The following KPNA6 variants were observed in gnomAD, a reference collection of about 807,000 sequenced individuals.
The protein encoded by KPNA6 is karyopherin subunit alpha 6.
A neutral mutation model predicts 72.0 loss-of-function variants in KPNA6; 9 were observed. The observed-to-expected ratio is 0.13, with a 90% CI of 0.08 to 0.22. The LOEUF (loss-of-function observed/expected upper bound fraction) is 0.22, where lower values mean the gene tolerates loss of function less well. KPNA6 is among the 10% of genes least tolerant of loss of function. The pLI is 1.00. For missense variants in KPNA6, 374 were observed against 655.7 expected, an observed-to-expected ratio of 0.57 and a Z score of 4.69; for synonymous variants, 219 against 242.1, an observed-to-expected ratio of 0.90 and a Z score of 0.89.
chr1:32,157,786 ACT>A (rs1326787188), intron 4 of KPNA6, among the ~76,000 whole-genome samples: 2 of 151,944 alleles, frequency 1.3e-5, no homozygotes, highest in African/African-American at 4.8e-5. Context: ...TAGGATATAA[ACT>A]CTCTGAGGGC....
At chr1:32,155,315 CTTTTT>C (rs892067452) in intron 2 of KPNA6, among the ~76,000 whole-genome samples, 1 of 142,262 alleles carries the variant, frequency 7.0e-6, no homozygotes, top group South Asian at 2.2e-4. Flanking sequence ...CTTTTCTTTT[CTTTTT>C]TTTTTCTTTT....
At chr1:32,117,333 C>G (rs549636572) in intron 1 of KPNA6, among the ~76,000 whole-genome samples, 4 of 151,868 alleles carry the variant, frequency 2.6e-5, no homozygotes, top group African/African-American at 9.7e-5. Context: ...CCACCACGCC[C>G]GGCTAACTTT....
intron 1 of KPNA6, among the ~76,000 whole-genome samples, chr1:32,150,946 G>A (rs552885465): frequency 1.7e-3 from 255 of 152,002 alleles, no homozygotes; most frequent in African/African-American, 5.8e-3. Context: ...TTTAGAGACA[G>A]GGTCTCACTC....
intron 1 of KPNA6, among the ~76,000 whole-genome samples, chr1:32,144,841 G>T (rs1214944664): frequency 6.6e-6 from 1 of 151,808 alleles, no homozygotes; most frequent in Non-Finnish European, 1.5e-5. Flanking sequence ...GTAGAGATGG[G>T]ATTTCTCCAT....
At chr1:32,153,235 A>G (rs1473539049) in intron 1 of KPNA6, among the ~76,000 whole-genome samples, 1 of 152,026 alleles carries the variant, frequency 6.6e-6, no homozygotes. Flanking sequence ...AATATTAAGG[A>G]TGAAGAAAGT....
In KPNA6 at chr1:32,176,128, C is replaced by T. The variant is rs1271004947; in HGVS notation, c.*5234C>T. On this transcript the variant is annotated 3_prime_UTR_variant, in exon 14 of 14. Coordinates refer to ENST00000373625, the MANE Select transcript of KPNA6 (RefSeq NM_012316.5). ...AAAAGTCCACATCTTCATGAACCCT[C>T]AGACTCTGGAGTTGGGTGTCGGCTT... 1 of 151,840 alleles carries T rather than the reference C, an allele frequency of 6.6e-6. No homozygotes were observed. The highest frequency in any genetic ancestry group is 1.9e-4 in the East Asian group (1 of 5,178). 9.4% of individuals were successfully genotyped at this position (151,840 alleles called of 1,614,324 possible).
At chr1:32,168,570 G>A (rs1197205792) in intron 12 of KPNA6, among the ~76,000 whole-genome samples, 1 of 152,232 alleles carries the variant, frequency 6.6e-6, no homozygotes, top group East Asian at 1.9e-4. Context: ...TTCACTTGTT[G>A]CCTATTAAGG....
chr1:32,166,107 C>T lies in KPNA6; in HGVS notation c.993C>T (p.Val331=). The T allele has an allele frequency of 6.2e-7, 1 of 1,606,808 alleles. No homozygotes were observed. Among genetic ancestry groups the T allele is most frequent in the East Asian group, 2.2e-5 (1 of 44,814 alleles). The change falls in exon 11 of 14, where the codon GTC becomes GTT. Residue 331 remains valine, a splice_region_variant and synonymous_variant. Coordinates refer to ENST00000373625, the MANE Select transcript of KPNA6 (RefSeq NM_012316.5). ...IVTGDDIQTQ[V]ILNCSALPCL... is the part of the protein sequence containing the mutation. Reference sequence around the variant, plus strand: ...TTCCTGTGCTTTTGGTGTTCTAGGTCATTCTTAACTGTTCAGCCCTACCTT... The same window carrying T: ...TTCCTGTGCTTTTGGTGTTCTAGGTTATTCTTAACTGTTCAGCCCTACCTT...
chr1:32,158,727 G>C (rs1213618613), intron 5 of KPNA6, among the ~76,000 whole-genome samples: 2 of 152,132 alleles, frequency 1.3e-5, no homozygotes, highest in Admixed American at 1.3e-4. Flanking sequence ...CTACTTCCAA[G>C]AAATTGCAGT....
intron 1 of KPNA6, among the ~76,000 whole-genome samples, chr1:32,148,637 A>G (rs1238006075): frequency 1.4e-5 from 2 of 144,604 alleles, no homozygotes; most frequent in African/African-American, 5.2e-5. Context: ...GGCTCACTGC[A>G]ACCTCCACCT....
rs142179549 is a variant in KPNA6, at chr1:32,138,818, A to G, written c.5-15770A>G. On this transcript the variant is annotated intron_variant, in intron 1 of 13. Coordinates refer to ENST00000373625, the MANE Select transcript of KPNA6 (RefSeq NM_012316.5). ...GTGACAAATTAGAAAGCTGAATGCA[A>G]TGACTACTGAGTGGGTCACTGGATT... Among the ~76,000 whole-genome samples, 1,148 of 152,298 alleles carry G rather than the reference A, an allele frequency of 7.5e-3. 4 individuals carry two copies. Among genetic ancestry groups the G allele is most frequent in the Middle Eastern group, 0.048 (14 of 294 alleles).
intron 10 of KPNA6, among the ~76,000 whole-genome samples, chr1:32,164,067 C>T (rs890898536): frequency 1.3e-5 from 2 of 152,210 alleles, no homozygotes; most frequent in Non-Finnish European, 2.9e-5. Flanking sequence ...CCCATTCTCC[C>T]TTCCCCTAGT....
At chr1:32,145,669 C>T (rs1488250399) in intron 1 of KPNA6, among the ~76,000 whole-genome samples, 2 of 152,250 alleles carry the variant, frequency 1.3e-5, no homozygotes, top group South Asian at 4.1e-4. Context: ...ATTCTCTATA[C>T]AATGAAATAT....
chr1:32,166,530 C>T (rs1036639391), intron 11 of KPNA6, among the ~76,000 whole-genome samples: 8 of 149,570 alleles, frequency 5.3e-5, no homozygotes, highest in African/African-American at 2.0e-4. Context: ...GAGGCTGAGG[C>T]AGGAGAATTG....
At chr1:32,142,594 A>G (rs1641859198) in intron 1 of KPNA6, among the ~76,000 whole-genome samples, 2 of 152,206 alleles carry the variant, frequency 1.3e-5, no homozygotes, top group African/African-American at 4.8e-5. Context: ...TAGAAAGTGC[A>G]TGGCAACATT....
At chr1:32,139,321 A>G (rs531632322) in intron 1 of KPNA6, among the ~76,000 whole-genome samples, 5 of 152,328 alleles carry the variant, frequency 3.3e-5, no homozygotes, top group African/African-American at 1.2e-4. Flanking sequence ...GTAATGGGGA[A>G]GGACCCAGCA....
chr1:32,163,784 T>G (rs1642284302), intron 10 of KPNA6, among the ~76,000 whole-genome samples: 1 of 152,182 alleles, frequency 6.6e-6, no homozygotes, highest in Admixed American at 6.5e-5. Flanking sequence ...ATTTGGGTAT[T>G]CTTTGGGTTT....
chr1:32,169,451 CT>C (rs553772781), intron 12 of KPNA6, among the ~76,000 whole-genome samples: 167 of 139,900 alleles, frequency 1.2e-3, no homozygotes, highest in Middle Eastern at 3.7e-3. Context: ...CTTTTCTTTT[CT>C]TTTTTTTTTT....
chr1:32,160,740 T>G, intron 7 of KPNA6, 37 bp downstream of exon 7: 1 of 1,525,698 alleles, frequency 6.6e-7, no homozygotes, highest in Non-Finnish European at 9.1e-7. Flanking sequence ...GGGCGTCTAC[T>G]GGGTGGCCAC....
Sources: allele counts gnomAD v4.1 joint callset (sites outside exome capture counted in the v4.1 genomes callset), GRCh38; gene constraint gnomAD v4.1.1; transcripts MANE v1.5; gene names NCBI Gene and HGNC (gene_info 2026-07-23, HGNC 2026-07-21).